Variants in GPAA1 observed in about 807,000 individuals in gnomAD.
GPAA1 encodes the protein GPI-anchor transamidase component GPAA1.
GPAA1 carries 54 observed loss-of-function variants against 64.0 expected under a neutral mutation model. The observed-to-expected ratio is 0.84, with a 90% CI of 0.68 to 1.06. The LOEUF is 1.06. GPAA1 is among the 50% of genes least tolerant of loss of function. GPAA1 has a pLI of 0.00. For synonymous variants in GPAA1, 393 were observed against 377.3 expected, an observed-to-expected ratio of 1.04 and a Z score of -0.48; for missense variants, 780 against 822.3, an observed-to-expected ratio of 0.95 and a Z score of 0.63.
rs1286907753 is a variant in GPAA1 at position 144,085,155 on chromosome 8, C to T, written c.1260+17C>T. 5.3e-6 allele frequency: 8 copies of T among 1,517,106 alleles called. No homozygotes were observed. Among genetic ancestry groups the T allele is most frequent in the African/African-American group, 2.8e-5 (2 of 72,454 alleles). The allele number at this position is 1,517,106 out of a possible 1,614,324, so 94.0% of individuals were successfully genotyped here. On this transcript the variant is annotated intron_variant, in intron 9 of 11. Coordinates refer to ENST00000355091, the MANE Select transcript of GPAA1 (RefSeq NM_003801.4). ...CCATCACAGGTGATGGCACCCCCTTCTGTTGTTGGAATGGGCTTCTGGGGT... is the reference window on the plus strand; with the variant it reads ...CCATCACAGGTGATGGCACCCCCTTTTGTTGTTGGAATGGGCTTCTGGGGT...
rs782817912 is a variant in GPAA1, at chr8:144,083,141, C to A, written c.92C>A (p.Ala31Glu). The change falls in exon 2 of 12, where the codon GCG (alanine) becomes GAG (glutamate). Residue 31 changes from alanine (A) to glutamate (E), a missense_variant. By Grantham distance (107) the Ala-to-Glu change is moderately radical. Coordinates refer to ENST00000355091, the MANE Select transcript of GPAA1 (RefSeq NM_003801.4). ...NAPLCVLSYV[A>E]GIAWFLALVF... ...TCTCACAGCGTGCTGAGCTACGTGG[C>A]GGGCATCGCCTGGTTCTTGGCGCTG... The A allele has an allele frequency of 6.2e-7, 1 of 1,612,160 alleles. No homozygotes were observed. The highest frequency in any genetic ancestry group is 8.5e-7 in the Non-Finnish European group (1 of 1,179,722).
At position 144,083,446 on chromosome 8, in the gene GPAA1, C is replaced by T. The variant is rs1835941569; in HGVS notation, c.312C>T (p.Tyr104=). ...TGCGGTCAGTAGGGCTGGAGGTCTA[C>T]ACGCAGAGTTTCTCCCGGAAACTGC... ...RTMRSVGLEV[Y]TQSFSRKLPF... The change falls in exon 3 of 12, where the codon TAC becomes TAT. Residue 104 remains tyrosine, a synonymous_variant. Transcript: ENST00000355091. 1.2e-6 allele frequency: 2 copies of T among 1,613,906 alleles called. No homozygotes were observed. Among genetic ancestry groups the T allele is most frequent in the Non-Finnish European group, 1.7e-6 (2 of 1,180,002 alleles).
In GPAA1 at chr8:144,085,136, C is replaced by G; in HGVS notation, c.1258C>G (p.Gln420Glu). The G allele has an allele frequency of 6.4e-7, 1 of 1,552,454 alleles. No individual in the cohort carries two copies. Among genetic ancestry groups the G allele is most frequent in the South Asian group, 1.2e-5 (1 of 86,320 alleles). ...PGPSVPLPPSQGVGLASLVAP... is the reference protein window; with the variant it reads ...PGPSVPLPPSEGVGLASLVAP... ...CCCCAGTGTACCCCTTCCCCCATCA[C>G]AGGTGATGGCACCCCCTTCTGTTGT... The change falls in exon 9 of 12, where the codon CAG (glutamine) becomes GAG (glutamate). Residue 420 changes from glutamine (Q) to glutamate (E), a missense_variant and splice_region_variant. By Grantham distance (29) the Gln-to-Glu change is conservative. Coordinates refer to ENST00000355091, the MANE Select transcript of GPAA1 (RefSeq NM_003801.4).
intron 4 of GPAA1, 25 bp from the exon 5 acceptor site, chr8:144,083,914 T>G: frequency 6.2e-7 from 1 of 1,612,818 alleles, no homozygotes; most frequent in Non-Finnish European, 8.5e-7. Context: ...CCCCAGACCC[T>G]GCTGATCCTG....
At position 144,085,371 on chromosome 8, in the gene GPAA1, G is replaced by A; in HGVS notation, c.1343G>A (p.Gly448Asp). The change falls in exon 10 of 12, where the codon GGC becomes GAC. Residue 448 changes from glycine to aspartate, a missense_variant. Transcript: ENST00000355091. The stretch of plus-strand genomic sequence containing the variant: ...GCCCTCTATGTCCTGCCAGTGCTGG[G>A]CCAACACGTTGCCACCCAGCACTTC... Reference protein sequence around the residue: ...GLALYVLPVLGQHVATQHFPV... With the variant: ...GLALYVLPVLDQHVATQHFPV... The A allele has an allele frequency of 1.2e-6, 2 of 1,609,162 alleles. No homozygotes were observed. Among genetic ancestry groups the A allele is most frequent in the Non-Finnish European group, 1.7e-6 (2 of 1,179,854 alleles).
chr8:144,083,982 A>ATAT lies in GPAA1; in HGVS notation c.558_559insTAT (p.Glu186_His187insTyr). On this transcript the variant is annotated inframe_insertion, in exon 5 of 12. Transcript: ENST00000355091. ...AAGATATCGTCTTCCTGGTAACAGA[A>ATAT]CATGACCTTCTGGGCACTGAGGCTT... The ATAT allele has an allele frequency of 6.2e-7, 1 of 1,614,130 alleles. No homozygotes were observed. Among genetic ancestry groups the ATAT allele is most frequent in the African/African-American group, 1.3e-5 (1 of 75,054 alleles).
intron 9 of GPAA1, 23 bp from the exon 10 acceptor site, chr8:144,085,266 C>G (rs1554764179): frequency 1.9e-6 from 3 of 1,576,628 alleles, no homozygotes; most frequent in Middle Eastern, 1.7e-4. Context: ...GGGTCCATCT[C>G]CAAGAGCCTG....
rs537224939 is a variant in GPAA1, at chr8:144,084,217, A to C, written c.700A>C (p.Ser234Arg). 11 of 1,612,882 alleles carry C rather than the reference A, an allele frequency of 6.8e-6. No homozygotes were observed. In the South Asian group the frequency reaches 1.1e-4, roughly 16 times the overall value. ...ALELSSDVVTSLDVAVEGLNG... is the reference protein window; with the variant it reads ...ALELSSDVVTRLDVAVEGLNG... ...GGAGCTGAGCAGTGATGTGGTCACC[A>C]GCCTCGATGTGGCCGTGGAGGGGCT... is the stretch of plus-strand genomic sequence containing the variant. Residue 234 changes from serine to arginine, a missense_variant, in exon 6 of 12, where the codon AGC becomes CGC. By Grantham distance (110) the Ser-to-Arg change is moderately radical. Transcript: ENST00000355091.
In GPAA1 at chr8:144,083,774, T is replaced by G. The variant is rs13935; in HGVS notation, c.427T>G (p.Ser143Ala). ...LRAPRAASTE[S>A]LVLTVPCGSD... ...GGCCCCGCGTGCTGCCAGCACCGAG[T>G]CGCTTGTGCTCACCGTGCCCTGTGG... Residue 143 changes from serine (S) to alanine (A), a missense_variant, in exon 4 of 12, where the codon TCG (serine) becomes GCG (alanine). By Grantham distance (99) the Ser-to-Ala change is moderately conservative. Coordinates refer to ENST00000355091, the MANE Select transcript of GPAA1 (RefSeq NM_003801.4). 6.2e-7 allele frequency: 1 copy of G among 1,606,864 alleles called. No homozygotes were observed.
At chr8:144,083,613 A>C in intron 3 of GPAA1, 101 bp from the exon 4 acceptor site, 1 of 1,427,798 alleles carries the variant, frequency 7.0e-7, no homozygotes, top group Non-Finnish European at 9.8e-7. Context: ...GTGGGAGGGA[A>C]ATCCCTGGTG....
chr8:144,083,025 C>A (rs1835933788), intron 1 of GPAA1, 99 bp from the exon 2 acceptor site: 2 of 1,187,168 alleles, frequency 1.7e-6, no homozygotes, highest in Non-Finnish European at 2.4e-6. Flanking sequence ...TTTAGGTCTC[C>A]CAGACCCGCG....
At position 144,085,649 on chromosome 8, in the gene GPAA1, C is replaced by T; in HGVS notation, c.1528C>T (p.Leu510=). The T allele has an allele frequency of 6.2e-7, 1 of 1,613,806 alleles. No individual in the cohort carries two copies. Among genetic ancestry groups the T allele is most frequent in the Non-Finnish European group, 8.5e-7 (1 of 1,179,900 alleles). Reference sequence around the variant, plus strand: ...AGCCCTGATCTACCTAGCACTGCAGCTGGGCTGCATCGCCCTCACCAACTT... The same window carrying T: ...AGCCCTGATCTACCTAGCACTGCAGTTGGGCTGCATCGCCCTCACCAACTT... ...LVALIYLALQ[L]GCIALTNFSL... is the part of the protein sequence containing the mutation. Residue 510 remains leucine (L), a synonymous_variant, in exon 11 of 12, where the codon CTG becomes TTG. Transcript: ENST00000355091.
Position 144,085,890 on chromosome 8 carries a change from A to G in GPAA1, c.1631A>G (p.Tyr544Cys), listed in dbSNP as rs368069552. Residue 544 changes from tyrosine to cysteine, a missense_variant, in exon 12 of 12, where the codon TAT becomes TGT. Transcript: ENST00000355091. ...GTTGCTTCTCCACCCAGGACCCTCT[A>G]TGCTGCCCTGCTGGTGCTGACCAGC... ...LAKPHGPRTL[Y>C]AALLVLTSPA... 10 of 1,607,452 alleles carry G rather than the reference A, an allele frequency of 6.2e-6. No homozygotes were observed. Among genetic ancestry groups the G allele is most frequent in the Admixed American group, 1.7e-5 (1 of 59,906 alleles).
At position 144,082,707 on chromosome 8, in the gene GPAA1, G is replaced by T. The variant is rs1468549262; in HGVS notation, c.-24G>T. On this transcript the variant is annotated 5_prime_UTR_variant, in exon 1 of 12. Transcript: ENST00000355091. ...GGTAGTTGGAGGCGGGAGAGGGTCC[G>T]TAGCCGCGCCGCCCTGCCCCGCCAT... The T allele has an allele frequency of 4.9e-6, 7 of 1,441,302 alleles. No individual in the cohort carries two copies. The highest frequency in any genetic ancestry group is 6.4e-6 in the Non-Finnish European group (7 of 1,101,070). The allele number at this position is 1,441,302 out of a possible 1,614,324, so 89.3% of individuals were successfully genotyped here. A position where few individuals can be genotyped will look rare whatever the true frequency, so the allele number is the denominator to read the frequency against.
At position 144,085,614 on chromosome 8, in the gene GPAA1, T is replaced by G; in HGVS notation, c.1493T>G (p.Leu498Arg). Residue 498 changes from leucine to arginine, a missense_variant, in exon 11 of 12, where the codon CTG (leucine) becomes CGG (arginine). Transcript: ENST00000355091. ...TQAPDRGWMALKLVALIYLAL... is the reference protein window; with the variant it reads ...TQAPDRGWMARKLVALIYLAL... Reference sequence around the variant, plus strand: ...GCCCCAGACAGGGGCTGGATGGCACTGAAGCTGGTAGCCCTGATCTACCTA... The same window carrying G: ...GCCCCAGACAGGGGCTGGATGGCACGGAAGCTGGTAGCCCTGATCTACCTA... The G allele has an allele frequency of 1.9e-6, 3 of 1,613,920 alleles. No homozygotes were observed. The South Asian group carries it at 3.3e-5, about 18-fold the overall frequency.
rs977014796 is a variant in GPAA1 at position 144,082,645 on chromosome 8, C to G, written c.-86C>G. The G allele has an allele frequency of 5.2e-5, 52 of 994,568 alleles. No individual in the cohort carries two copies. Among genetic ancestry groups the G allele is most frequent in the Non-Finnish European group, 6.5e-5 (48 of 740,124 alleles). 61.6% of individuals were successfully genotyped at this position (994,568 alleles called of 1,614,324 possible). A position where few individuals can be genotyped will look rare whatever the true frequency, so the allele number is the denominator to read the frequency against. On this transcript the variant is annotated 5_prime_UTR_variant, in exon 1 of 12. Coordinates refer to ENST00000355091, the MANE Select transcript of GPAA1 (RefSeq NM_003801.4). ...CCGGAAGTGCGGGCGAGCGCGGGTCCCCGGGTCTGACAGGAGCAGCCTGTG... is the reference window on the plus strand; with the variant it reads ...CCGGAAGTGCGGGCGAGCGCGGGTCGCCGGGTCTGACAGGAGCAGCCTGTG...
intron 8 of GPAA1, 43 bp from the exon 9 acceptor site, chr8:144,085,000 C>T: frequency 1.9e-6 from 3 of 1,570,698 alleles, no homozygotes; most frequent in South Asian, 1.2e-5. Flanking sequence ...CCCCTCTGGG[C>T]AGATCCCGTT....
At position 144,082,675 on chromosome 8, in the gene GPAA1, C is replaced by G; in HGVS notation, c.-56C>G. 7.5e-7 allele frequency: 1 copy of G among 1,330,662 alleles called. No homozygotes were observed. The highest frequency in any genetic ancestry group is 9.9e-7 in the Non-Finnish European group (1 of 1,012,512). 82.4% of individuals were successfully genotyped at this position (1,330,662 alleles called of 1,614,324 possible). On this transcript the variant is annotated 5_prime_UTR_variant, in exon 1 of 12. Coordinates refer to ENST00000355091, the MANE Select transcript of GPAA1 (RefSeq NM_003801.4). ...GTCTGACAGGAGCAGCCTGTGGGCA[C>G]CGCGGCGGTAGTTGGAGGCGGGAGA...
Position 144,083,766 on chromosome 8 carries a change from G to T in GPAA1, c.419G>T (p.Ser140Ile). The T allele has an allele frequency of 6.2e-7, 1 of 1,606,556 alleles. No individual in the cohort carries two copies. Among genetic ancestry groups the T allele is most frequent in the Non-Finnish European group, 8.5e-7 (1 of 1,179,824 alleles). The change falls in exon 4 of 12, where the codon AGC becomes ATC. Residue 140 changes from serine to isoleucine, a missense_variant. Ser to Ile is a moderately radical substitution (Grantham distance 142). Coordinates refer to ENST00000355091, the MANE Select transcript of GPAA1 (RefSeq NM_003801.4). ...YGILRAPRAA[S>I]TESLVLTVPC... ...ATCCTGCGGGCCCCGCGTGCTGCCA[G>T]CACCGAGTCGCTTGTGCTCACCGTG...
Sources: allele counts gnomAD v4.1 joint callset, GRCh38; gene constraint gnomAD v4.1.1; transcripts MANE v1.5; gene names NCBI Gene and HGNC (gene_info 2026-07-23, HGNC 2026-07-21).